PVT1: variants seen among roughly 807,000 people sequenced by gnomAD.
PVT1 encodes Pvt1 oncogene.
chr8:128,088,906 G>A (rs186536732), intron 5 of PVT1, among the ~76,000 whole-genome samples: 28 of 152,370 alleles, frequency 1.8e-4, no homozygotes, highest in African/African-American at 6.3e-4. Flanking sequence ...CAGAGGAGGA[G>A]AGAGGGGAAA....
rs1264595485 is a variant in PVT1, at chr8:127,828,242, G to C, written n.372+32171G>C. On this transcript the variant is annotated intron_variant and non_coding_transcript_variant, in intron 2 of 10. Coordinates refer to ENST00000651587, the Ensembl canonical transcript of PVT1. ...GATCTCTTGCTAAGGGCTTCTTACT[G>C]AGTGTCTAGTTCCTTGTTGTACAGG... Among the ~76,000 whole-genome samples the C allele has an allele frequency of 6.6e-5, 10 of 152,272 alleles. No homozygotes were observed. The East Asian group carries it at 1.9e-3, about 29-fold the overall frequency.
intron 4 of PVT1, among the ~76,000 whole-genome samples, chr8:128,066,073 G>C (rs77684425): frequency 6.6e-6 from 1 of 152,232 alleles, no homozygotes. Flanking sequence ...GAGAAGGAAA[G>C]TGGCTGGGTG....
chr8:127,881,903 C>T (rs1231640807), intron 2 of PVT1, among the ~76,000 whole-genome samples: 3 of 152,134 alleles, frequency 2.0e-5, no homozygotes, highest in African/African-American at 7.2e-5. Flanking sequence ...CCACTGCCAG[C>T]TAATTTTTGT....
intron 3 of PVT1, among the ~76,000 whole-genome samples, chr8:127,981,617 G>T (rs1454924728): frequency 6.6e-6 from 1 of 152,196 alleles, no homozygotes; most frequent in Non-Finnish European, 1.5e-5. Context: ...GAAGTGGGAG[G>T]ATGTTTTTGA....
chr8:128,087,747 C>CTTT lies in PVT1; in HGVS notation n.1115-8750_1115-8748dup, dbSNP rs71568675. Among the ~76,000 whole-genome samples the CTTT allele has an allele frequency of 3.8e-3, 292 of 76,558 alleles. 7 individuals carry two copies. The highest frequency in any genetic ancestry group is 0.018 in the East Asian group (49 of 2,662). The allele number at this position is 76,558 out of a possible 152,430, so 50.2% of individuals were successfully genotyped here. On this transcript the variant is annotated intron_variant and non_coding_transcript_variant, in intron 5 of 10. Transcript: ENST00000651587. ...CTCTGCTGACATTCCTGATGTGCTACTTTTTTTTTTTTTTTTTTTTTTTGA... is the reference window on the plus strand; with the variant it reads ...CTCTGCTGACATTCCTGATGTGCTACTTTTTTTTTTTTTTTTTTTTTTTTTTGA...
intron 2 of PVT1, among the ~76,000 whole-genome samples, chr8:127,806,319 G>T: frequency 6.6e-6 from 1 of 152,082 alleles, no homozygotes; most frequent in Admixed American, 6.6e-5. Flanking sequence ...AAATTAGCTG[G>T]GTGTGGTGGC....
intron 3 of PVT1, among the ~76,000 whole-genome samples, chr8:127,944,972 G>A (rs1341702935): frequency 3.3e-5 from 5 of 152,082 alleles, no homozygotes; most frequent in Admixed American, 3.3e-4. Context: ...AGCTTTCCGG[G>A]GAGTCTGACC....
intron 2 of PVT1, among the ~76,000 whole-genome samples, chr8:127,845,006 C>G (rs1458129966): frequency 5.9e-5 from 9 of 152,182 alleles, no homozygotes; most frequent in African/African-American, 2.2e-4. Context: ...AGCTACCACG[C>G]CCGGCCGGAG....
chr8:128,036,784 G>C (rs374716751), intron 4 of PVT1, among the ~76,000 whole-genome samples: 4 of 152,170 alleles, frequency 2.6e-5, no homozygotes, highest in African/African-American at 9.7e-5. Flanking sequence ...ACCGCACCTG[G>C]GTTTTGCCAG....
Position 127,893,286 on chromosome 8 carries a change from G to GT in PVT1, n.782+2296dup, listed in dbSNP as rs199726472. Among the ~76,000 whole-genome samples the GT allele has an allele frequency of 4.0e-4, 61 of 151,878 alleles. No homozygotes were observed. In the East Asian group the frequency reaches 9.1e-3, roughly 23 times the overall value. ...TTTTTTGTTTTGTTTTGTTTTTGTTGTTTTTTTTGAGACTGAGTCTTACTC... is the reference window on the plus strand; with the variant it reads ...TTTTTTGTTTTGTTTTGTTTTTGTTGTTTTTTTTTGAGACTGAGTCTTACTC... On this transcript the variant is annotated intron_variant and non_coding_transcript_variant, in intron 3 of 10. Transcript: ENST00000651587.
intron 4 of PVT1, among the ~76,000 whole-genome samples, chr8:128,013,871 A>G (rs1389725403): frequency 6.6e-6 from 1 of 152,210 alleles, no homozygotes; most frequent in African/African-American, 2.4e-5. Context: ...AATGAACAAA[A>G]AGTTATTTTT....
chr8:127,926,307 T>C (rs1446081109), intron 3 of PVT1, among the ~76,000 whole-genome samples: 1 of 152,168 alleles, frequency 6.6e-6, no homozygotes, highest in Non-Finnish European at 1.5e-5. Flanking sequence ...TTGTGACTAA[T>C]TGTAGTGGTT....
At chr8:127,815,535 G>T (rs1814650286) in intron 2 of PVT1, among the ~76,000 whole-genome samples, 1 of 152,176 alleles carries the variant, frequency 6.6e-6, no homozygotes, top group Non-Finnish European at 1.5e-5. Context: ...ATGAGTTCTT[G>T]TCAGTGCTTT....
At chr8:127,950,217 A>T (rs934796647) in intron 3 of PVT1, among the ~76,000 whole-genome samples, 4 of 152,238 alleles carry the variant, frequency 2.6e-5, no homozygotes, top group African/African-American at 9.6e-5. Context: ...CGCAGAAAGC[A>T]GCTCACCTCA....
chr8:127,892,536 T>C (rs1286034323), intron 3 of PVT1, among the ~76,000 whole-genome samples: 1 of 152,216 alleles, frequency 6.6e-6, no homozygotes, highest in Non-Finnish European at 1.5e-5. Flanking sequence ...TTATCCATTA[T>C]ACAGTTGAGC....
chr8:127,863,266 T>C (rs1815249708), intron 2 of PVT1, among the ~76,000 whole-genome samples: 1 of 152,024 alleles, frequency 6.6e-6, no homozygotes, highest in Admixed American at 6.6e-5. Context: ...TGTCCGCCAC[T>C]GCGCCAGCTA....
intron 2 of PVT1, among the ~76,000 whole-genome samples, chr8:127,883,217 A>T (rs546753949): frequency 6.6e-6 from 1 of 152,194 alleles, no homozygotes; most frequent in South Asian, 2.1e-4. Flanking sequence ...AGGACCAGGG[A>T]CGCCTTCCCT....
In PVT1 at chr8:128,087,747, C is replaced by CTTTTTTTTTTTTTTTTTTTTTTTT. The variant is rs71568675; in HGVS notation, n.1115-8748_1115-8747insTTTTTTTTTTTTTTTTTTTTTTTT. 2.6e-4 allele frequency among the ~76,000 whole-genome samples: 20 copies of CTTTTTTTTTTTTTTTTTTTTTTTT among 76,588 alleles called. 2 individuals carry two copies. Among genetic ancestry groups the CTTTTTTTTTTTTTTTTTTTTTTTT allele is most frequent in the African/African-American group, 9.3e-4 (19 of 20,484 alleles). The allele number at this position is 76,588 out of a possible 152,430, so 50.2% of individuals were successfully genotyped here. ...CTCTGCTGACATTCCTGATGTGCTA[C>CTTTTTTTTTTTTTTTTTTTTTTTT]TTTTTTTTTTTTTTTTTTTTTTTGA... is the stretch of plus-strand genomic sequence containing the variant. On this transcript the variant is annotated intron_variant and non_coding_transcript_variant, in intron 5 of 10. Coordinates refer to ENST00000651587, the Ensembl canonical transcript of PVT1.
intron 4 of PVT1, chr8:127,999,363 C>T (rs1378729678): frequency 6.6e-6 from 1 of 152,110 alleles, no homozygotes; most frequent in African/African-American, 2.4e-5. Flanking sequence ...TGTGCATGCA[C>T]GTATGTGTAA....
Sources: allele counts gnomAD v4.1 joint callset (sites outside exome capture counted in the v4.1 genomes callset), GRCh38; gene constraint gnomAD v4.1.1; transcripts MANE v1.5; gene names NCBI Gene and HGNC (gene_info 2026-07-23, HGNC 2026-07-21).